DNMT3B: variants seen among roughly 807,000 people sequenced by gnomAD.
The protein encoded by DNMT3B is DNA methyltransferase 3 beta.
DNMT3B carries 37 observed loss-of-function variants against 120.2 expected under a neutral mutation model. That is an observed-to-expected ratio of 0.31 (90% CI 0.24 to 0.40). The LOEUF is 0.40. Ranked by LOEUF, DNMT3B falls within the 10% of genes least tolerant of loss-of-function variation. DNMT3B has a pLI of 1.00. For synonymous variants in DNMT3B, 412 were observed against 442.8 expected (o/e 0.93, Z 0.87); for missense variants, 878 against 1,137.3 (o/e 0.77, Z 3.28).
At chr20:32,771,046 CTT>C in intron 1 of DNMT3B, among the ~76,000 whole-genome samples, 1 of 151,276 alleles carries the variant, frequency 6.6e-6, no homozygotes, top group Non-Finnish European at 1.5e-5. Context: ...TCCCTGGCAT[CTT>C]TTTTTTTGCT....
rs151149487 is a variant in DNMT3B at position 32,789,840 on chromosome 20, C to T, written c.813+828C>T. ...AACTCCTGACCTCAGATGATCCACC[C>T]GCCTCGGCCTCCCAGTGCTGGGATT... On this transcript the variant is annotated intron_variant, in intron 7 of 22. Transcript: ENST00000328111. 6.0e-3 allele frequency among the ~76,000 whole-genome samples: 916 copies of T among 152,328 alleles called. 7 individuals carry two copies. Among genetic ancestry groups the T allele is most frequent in the Non-Finnish European group, 9.9e-3 (676 of 68,020 alleles).
chr20:32,805,416 A>G lies in DNMT3B; in HGVS notation c.2301+9A>G. ...ACAATAGGATAGCCAAGGTAAGACG[A>G]GCTGTGGCCCTCTGGAAAAATGCAC... On this transcript the variant is annotated intron_variant, in intron 21 of 22. Coordinates refer to ENST00000328111, the MANE Select transcript of DNMT3B (RefSeq NM_006892.4). 1 of 1,613,986 alleles carries G rather than the reference A, an allele frequency of 6.2e-7. No individual in the cohort carries two copies. The highest frequency in any genetic ancestry group is 8.5e-7 in the Non-Finnish European group (1 of 1,179,970).
chr20:32,771,877 G>A (rs965894171), intron 1 of DNMT3B, among the ~76,000 whole-genome samples: 34 of 152,226 alleles, frequency 2.2e-4, no homozygotes, highest in African/African-American at 7.7e-4. Context: ...TCAGACAGGC[G>A]AGTTATGTTT....
chr20:32,800,430 T>G, intron 17 of DNMT3B, 132 bp downstream of exon 17: 1 of 1,364,954 alleles, frequency 7.3e-7, no homozygotes, highest in Non-Finnish European at 1.0e-6. Context: ...GTGGGAATCT[T>G]AAGCATTAGG....
At chr20:32,805,902 G>T (rs138450321) in intron 21 of DNMT3B, among the ~76,000 whole-genome samples, 1 of 152,004 alleles carries the variant, frequency 6.6e-6, no homozygotes, top group African/African-American at 2.4e-5. Context: ...ACGTGATCTC[G>T]TTCATGGTCA....
chr20:32,765,385 T>C (rs1023782854), intron 1 of DNMT3B, among the ~76,000 whole-genome samples: 9 of 151,852 alleles, frequency 5.9e-5, no homozygotes, highest in Non-Finnish European at 1.3e-4. Context: ...CAGGTACTAT[T>C]ACGTCTTGGT....
chr20:32,808,044 G>T lies in DNMT3B; in HGVS notation c.*141G>T. 2.8e-6 allele frequency: 4 copies of T among 1,428,952 alleles called. No homozygotes were observed. The South Asian group carries it at 3.7e-5, about 13-fold the overall frequency. The allele number at this position is 1,428,952 out of a possible 1,614,324, so 88.5% of individuals were successfully genotyped here. On this transcript the variant is annotated 3_prime_UTR_variant, in exon 23 of 23. Coordinates refer to ENST00000328111, the MANE Select transcript of DNMT3B (RefSeq NM_006892.4). Reference sequence around the variant, plus strand: ...TACCTCAGTTCCCTCTTGCTCAGTGGGGGCAGAGCCACCTGACTCTTGCAG... The same window carrying T: ...TACCTCAGTTCCCTCTTGCTCAGTGTGGGCAGAGCCACCTGACTCTTGCAG...
Position 32,800,858 on chromosome 20 carries a change from C to T in DNMT3B, c.1929C>T (p.Asp643=). 6.2e-7 allele frequency: 1 copy of T among 1,614,232 alleles called. No homozygotes were observed. Among genetic ancestry groups the T allele is most frequent in the Non-Finnish European group, 8.5e-7 (1 of 1,180,040 alleles). ...KKNIEEWGPF[D]LVIGGSPCND... is the part of the protein sequence containing the mutation. ...AGATTGAAGAATGGGGCCCATTTGACTTGGTGATTGGCGGAAGCCCATGCA... is the reference window on the plus strand; with the variant it reads ...AGATTGAAGAATGGGGCCCATTTGATTTGGTGATTGGCGGAAGCCCATGCA... Residue 643 remains aspartate (D), a synonymous_variant, in exon 18 of 23, where the codon GAC becomes GAT. Transcript: ENST00000328111.
Position 32,780,341 on chromosome 20 carries a change from G to A in DNMT3B, c.18G>A (p.Arg6=). ...AGGAAAGCATGAAGGGAGACACCAG[G>A]CATCTCAATGGAGAGGAGGACGCCG... MKGDT[R]HLNGEEDAGG... is the part of the protein sequence containing the mutation. Residue 6 remains arginine (R), a synonymous_variant, in exon 2 of 23, where the codon AGG becomes AGA. Coordinates refer to ENST00000328111, the MANE Select transcript of DNMT3B (RefSeq NM_006892.4). The A allele has an allele frequency of 6.2e-7, 1 of 1,614,006 alleles. No individual in the cohort carries two copies. The highest frequency in any genetic ancestry group is 1.3e-5 in the African/African-American group (1 of 75,024).
chr20:32,804,684 C>CTT (rs537765800), intron 20 of DNMT3B, among the ~76,000 whole-genome samples: 121 of 112,654 alleles, frequency 1.1e-3, no homozygotes, highest in South Asian at 6.4e-3. Context: ...GGTGCTTAGT[C>CTT]TTTTTTTTTT....
At chr20:32,763,923 G>C (rs943143475) in intron 1 of DNMT3B, among the ~76,000 whole-genome samples, 1 of 152,200 alleles carries the variant, frequency 6.6e-6, no homozygotes, top group Non-Finnish European at 1.5e-5. Flanking sequence ...TGGCAGACGG[G>C]TGGCAGTTTT....
intron 10 of DNMT3B, 134 bp from the exon 11 acceptor site, chr20:32,795,275 A>G (rs1980464441): frequency 7.2e-7 from 1 of 1,383,696 alleles, no homozygotes; most frequent in Non-Finnish European, 1.0e-6. Flanking sequence ...AAGGGGCCAT[A>G]TACATTCAGT....
chr20:32,784,910 GCATACATAGCATGCTA>G (rs753229010), intron 4 of DNMT3B, 51 bp downstream of exon 4: 4 of 1,550,672 alleles, frequency 2.6e-6, no homozygotes, highest in Admixed American at 1.7e-5. Flanking sequence ...ACTCTACATA[GCATACATAGCATGCTA>G]CATACATAGC....
intron 21 of DNMT3B, among the ~76,000 whole-genome samples, chr20:32,805,841 T>A (rs1428618276): frequency 6.6e-6 from 1 of 151,668 alleles, no homozygotes; most frequent in East Asian, 2.0e-4. Context: ...GGTTTTTACT[T>A]TTTTACTTAA....
chr20:32,778,942 AGATGGATGGATGGATGGATGGATG>A (rs3080493), intron 1 of DNMT3B, among the ~76,000 whole-genome samples: 17 of 150,534 alleles, frequency 1.1e-4, no homozygotes, highest in Middle Eastern at 3.4e-3. Flanking sequence ...TCTCTAAGAT[AGATGGATGGATGGATGGATGGATG>A]GATGGATGGA....
At chr20:32,786,347 G>A (rs926613244) in intron 4 of DNMT3B, among the ~76,000 whole-genome samples, 155 bp from the exon 5 acceptor site, 2 of 152,220 alleles carry the variant, frequency 1.3e-5, no homozygotes, top group African/African-American at 4.8e-5. Context: ...GCTGGACTCA[G>A]TCCAGAGTCC....
intron 1 of DNMT3B, among the ~76,000 whole-genome samples, chr20:32,772,786 C>T (rs1987817661): frequency 1.3e-5 from 2 of 151,384 alleles, no homozygotes; most frequent in East Asian, 1.9e-4. Context: ...TTATTTTATT[C>T]CAGTGCGTTG....
At position 32,762,718 on chromosome 20, in the gene DNMT3B, C is replaced by A; in HGVS notation, c.-7+19C>A. 1 of 163,314 alleles carries A rather than the reference C, an allele frequency of 6.1e-6. No individual in the cohort carries two copies. Among genetic ancestry groups the A allele is most frequent in the South Asian group, 1.7e-4 (1 of 5,922 alleles). The allele number at this position is 163,314 out of a possible 1,614,324, so 10.1% of individuals were successfully genotyped here. ...GCGGCAGGTGAGCGCCCCGGGGCCC[C>A]GGGGAGGCTCGGCCGCCAGCTGCTT... On this transcript the variant is annotated intron_variant, in intron 1 of 22. Coordinates refer to ENST00000328111, the MANE Select transcript of DNMT3B (RefSeq NM_006892.4).
chr20:32,775,864 C>T (rs1988042235), intron 1 of DNMT3B, among the ~76,000 whole-genome samples: 3 of 152,254 alleles, frequency 2.0e-5, no homozygotes, highest in African/African-American at 7.2e-5. Context: ...ACTGCCACTT[C>T]TCTGGGTGAC....
Sources: allele counts gnomAD v4.1 joint callset (sites outside exome capture counted in the v4.1 genomes callset), GRCh38; gene constraint gnomAD v4.1.1; transcripts MANE v1.5; gene names NCBI Gene and HGNC (gene_info 2026-07-23, HGNC 2026-07-21).